Variants in NSUN7 observed in about 807,000 individuals in gnomAD.
NSUN7 encodes the protein NOP2/Sun RNA methyltransferase family member 7, also known as protein NSUN7.
In NSUN7, 39 loss-of-function variants were observed where a neutral mutation model predicts 58.5. That is an observed-to-expected ratio of 0.67 (90% CI 0.52 to 0.87). NSUN7 has a LOEUF of 0.87. NSUN7 is among the 40% of genes least tolerant of loss of function. The probability of loss-of-function intolerance (pLI) is 0.00; values close to 1 mark genes in which losing one functional copy is unlikely to be tolerated. For synonymous variants in NSUN7, 278 were observed against 303.7 expected (o/e 0.92, Z 0.88); for missense variants, 765 against 844.1 (o/e 0.91, Z 1.16).
At chr4:40,760,533 T>G (rs1410577651) in intron 3 of NSUN7, 41 bp downstream of exon 3, 2 of 1,486,900 alleles carry the variant, frequency 1.3e-6, no homozygotes, top group African/African-American at 1.4e-5. Flanking sequence ...TTCATGATTT[T>G]TTTTAAAAAA....
intron 7 of NSUN7, 45 bp downstream of exon 7, chr4:40,776,304 AT>A (rs766728880): frequency 7.4e-7 from 1 of 1,345,028 alleles, no homozygotes; most frequent in Admixed American, 2.2e-5. Context: ...GTTCTGCAAG[AT>A]TTTAGAAACG....
At chr4:40,753,352 C>T (rs953664375) in intron 2 of NSUN7, among the ~76,000 whole-genome samples, 2 of 151,554 alleles carry the variant, frequency 1.3e-5, no homozygotes, top group Non-Finnish European at 2.9e-5. Flanking sequence ...TCTAGGCTCA[C>T]TGCAACCTCT....
chr4:40,777,079 G>C (rs1355098475), intron 7 of NSUN7, among the ~76,000 whole-genome samples: 1 of 152,194 alleles, frequency 6.6e-6, no homozygotes, highest in Non-Finnish European at 1.5e-5. Flanking sequence ...TTCAGGATTT[G>C]ACCAGGAGAG....
intron 4 of NSUN7, among the ~76,000 whole-genome samples, chr4:40,768,485 C>T (rs938453394): frequency 1.3e-5 from 2 of 152,044 alleles, no homozygotes; most frequent in East Asian, 1.9e-4. Context: ...CTGCCGTGCT[C>T]GGCCAGATAA....
At chr4:40,758,216 G>A (rs951424905) in intron 2 of NSUN7, among the ~76,000 whole-genome samples, 4 of 151,966 alleles carry the variant, frequency 2.6e-5, no homozygotes, top group East Asian at 3.9e-4. Flanking sequence ...CACCACACCC[G>A]GCCAGCTTTT....
Position 40,760,625 on chromosome 4 carries a change from G to A in NSUN7, c.357+133G>A, listed in dbSNP as rs1741404745. On this transcript the variant is annotated intron_variant, in intron 3 of 11. Coordinates refer to ENST00000381782, the MANE Select transcript of NSUN7 (RefSeq NM_024677.6). The stretch of plus-strand genomic sequence containing the variant: ...CACCTGTAATCCCAGCACTTTGGGA[G>A]GCCAAGGCGGGCGGATCATCTGAGG... 9 of 615,760 alleles carry A rather than the reference G, an allele frequency of 1.5e-5. No homozygotes were observed. In the South Asian group the frequency reaches 1.9e-4, roughly 13 times the overall value. 38.1% of individuals were successfully genotyped at this position (615,760 alleles called of 1,614,324 possible). A position where few individuals can be genotyped will look rare whatever the true frequency, so the allele number is the denominator to read the frequency against.
intron 9 of NSUN7, among the ~76,000 whole-genome samples, chr4:40,795,132 G>C (rs983756867): frequency 1.3e-5 from 2 of 152,172 alleles, no homozygotes; most frequent in South Asian, 4.1e-4. Context: ...TATGTAAGGT[G>C]TATCAGTGTT....
chr4:40,763,406 G>A (rs1342218245), intron 4 of NSUN7, among the ~76,000 whole-genome samples: 1 of 151,794 alleles, frequency 6.6e-6, no homozygotes, highest in Non-Finnish European at 1.5e-5. Flanking sequence ...AGGAAACTTG[G>A]AGCAATATGC....
chr4:40,786,847 A>C, intron 7 of NSUN7: 1 of 857,946 alleles, frequency 1.2e-6, no homozygotes, highest in Non-Finnish European at 1.8e-6. Flanking sequence ...TTTGTTGAAC[A>C]ATCAGATGCC....
chr4:40,802,117 A>G (rs186318183), intron 10 of NSUN7, among the ~76,000 whole-genome samples: 35 of 152,046 alleles, frequency 2.3e-4, no homozygotes, highest in African/African-American at 8.0e-4. Context: ...TATTTTGGTA[A>G]GAGAGTCAAG....
At chr4:40,762,424 G>T (rs1482200115) in intron 4 of NSUN7, among the ~76,000 whole-genome samples, 4 of 152,130 alleles carry the variant, frequency 2.6e-5, no homozygotes, top group Non-Finnish European at 5.9e-5. Flanking sequence ...ATTTTTATAG[G>T]AAATTTAAGC....
In NSUN7 at chr4:40,750,314, C is replaced by CG. The variant is rs1255804863; in HGVS notation, c.-92+19dup. 1 of 180,666 alleles carries CG rather than the reference C, an allele frequency of 5.5e-6. No individual in the cohort carries two copies. 11.2% of individuals were successfully genotyped at this position (180,666 alleles called of 1,614,324 possible). ...TCCGCCCTCGGGGTAAGGGAGGAGTCGGGGGAGCCGGTGACTGGGCTGTGG... is the reference window on the plus strand; with the variant it reads ...TCCGCCCTCGGGGTAAGGGAGGAGTCGGGGGGAGCCGGTGACTGGGCTGTGG... On this transcript the variant is annotated intron_variant, in intron 1 of 11. Transcript: ENST00000381782.
chr4:40,808,029 C>CAAAAAAA, intron 11 of NSUN7, among the ~76,000 whole-genome samples: 1 of 60,168 alleles, frequency 1.7e-5, no homozygotes, highest in Admixed American at 2.4e-4. Context: ...GACTCCATCT[C>CAAAAAAA]AAAAAAAAAA....
rs1383643690 is a variant in NSUN7 at position 40,788,129 on chromosome 4, G to A, written c.1037-2473G>A. 5.9e-5 allele frequency among the ~76,000 whole-genome samples: 9 copies of A among 152,196 alleles called. No homozygotes were observed. In the East Asian group the frequency reaches 1.2e-3, roughly 20 times the overall value. ...ATTACAGGCAAGAGCCACCGTGCCC[G>A]GCCGAGGTTGCCTCTTCCTGAGATG... On this transcript the variant is annotated intron_variant, in intron 7 of 11. Coordinates refer to ENST00000381782, the MANE Select transcript of NSUN7 (RefSeq NM_024677.6).
At chr4:40,794,695 G>T (rs4861312) in intron 9 of NSUN7, among the ~76,000 whole-genome samples, 4,162 of 152,224 alleles carry the variant, frequency 0.027, 152 homozygotes, top group Admixed American at 0.094. Flanking sequence ...AGGTTAGCAA[G>T]CATAATTTAC....
At chr4:40,798,465 C>A (rs903214677) in intron 9 of NSUN7, among the ~76,000 whole-genome samples, 1 of 152,184 alleles carries the variant, frequency 6.6e-6, no homozygotes, top group African/African-American at 2.4e-5. Flanking sequence ...TAGGCAATAT[C>A]GCTTGTAGAA....
intron 7 of NSUN7, among the ~76,000 whole-genome samples, chr4:40,789,158 G>C (rs1299112482): frequency 6.6e-6 from 1 of 152,132 alleles, no homozygotes; most frequent in Non-Finnish European, 1.5e-5. Flanking sequence ...AAAGGAAAAA[G>C]TATTGGTCTT....
intron 4 of NSUN7, among the ~76,000 whole-genome samples, chr4:40,765,457 A>G (rs1443789682): frequency 1.3e-5 from 2 of 151,430 alleles, no homozygotes; most frequent in East Asian, 3.9e-4. Context: ...TTTTGATACC[A>G]GTACCATGCT....
chr4:40,750,793 G>A lies in NSUN7; in HGVS notation c.100G>A (p.Ala34Thr), dbSNP rs1470478995. The change falls in exon 2 of 12, where the codon GCT (alanine) becomes ACT (threonine). Residue 34 changes from alanine to threonine, a missense_variant. Coordinates refer to ENST00000381782, the MANE Select transcript of NSUN7 (RefSeq NM_024677.6). ...GCCTCTGTCCGGTGGGAAAAGCTCA[G>A]CTGGTGTGCCCGAAAAAACGGGCTA... ...SLPLSGGKSS[A>T]GVPEKTGYPD... 2 of 1,614,064 alleles carry A rather than the reference G, an allele frequency of 1.2e-6. No homozygotes were observed. The highest frequency in any genetic ancestry group is 1.1e-5 in the South Asian group (1 of 91,084).
Sources: gnomAD v4.1 joint callset for allele counts (sites outside exome capture counted in the v4.1 genomes callset) on GRCh38, gnomAD v4.1.1 for gene constraint, MANE v1.5 for transcripts, NCBI Gene and HGNC (gene_info 2026-07-23, HGNC 2026-07-21) for gene names.